The following KLF8 variants were observed in gnomAD, a reference collection of about 807,000 sequenced individuals.
The protein encoded by KLF8 is Krueppel-like factor 8.
Under a neutral mutation model 18.2 loss-of-function variants are expected in KLF8, and 10 were observed. The observed-to-expected ratio is 0.55, with a 90% CI of 0.34 to 0.93. The LOEUF is 0.93. KLF8 is among the 40% of genes least tolerant of loss of function. KLF8 has a pLI of 0.02. For synonymous variants in KLF8, 109 were observed against 97.3 expected (o/e 1.12, Z -0.71); for missense variants, 264 against 277.9 (o/e 0.95, Z 0.36).
At chrX:56,185,774 A>G in the KLF8 span, among the ~76,000 whole-genome samples, 1 of 111,795 alleles carries the variant, frequency 8.9e-6, no homozygotes, top group Non-Finnish European at 1.9e-5. Flanking sequence ...CAGCCAAACT[A>G]AGCTTCATAA....
the KLF8 span, among the ~76,000 whole-genome samples, chrX:56,195,560 G>A: frequency 1.8e-5 from 2 of 112,076 alleles, no homozygotes; most frequent in Non-Finnish European, 3.8e-5. Flanking sequence ...CAAACAAAGT[G>A]TCCAAGAAAT....
the KLF8 span, among the ~76,000 whole-genome samples, chrX:56,223,141 C>T: frequency 8.8e-6 from 1 of 113,007 alleles, no homozygotes; most frequent in Non-Finnish European, 1.9e-5. Context: ...CTTTGAACCC[C>T]GCTACAATCA....
chrX:56,057,653 G>A, the KLF8 span, among the ~76,000 whole-genome samples: 1 of 111,413 alleles, frequency 9.0e-6, no homozygotes, highest in African/African-American at 3.3e-5. Context: ...GGGCCAACTG[G>A]AGAGGCCAGG....
At chrX:55,950,398 C>A in the KLF8 span, among the ~76,000 whole-genome samples, 1 of 111,293 alleles carries the variant, frequency 9.0e-6, no homozygotes, top group Non-Finnish European at 1.9e-5. Context: ...AAAAGCAAAG[C>A]CTCTAGAGTA....
chrX:56,015,865 G>A, the KLF8 span, among the ~76,000 whole-genome samples: 2 of 111,896 alleles, frequency 1.8e-5, no homozygotes, highest in African/African-American at 3.2e-5. Flanking sequence ...AATGGAAGCC[G>A]CAGAAATATT....
At chrX:56,141,176 A>G in the KLF8 span, among the ~76,000 whole-genome samples, 3 of 111,643 alleles carry the variant, frequency 2.7e-5, no homozygotes, top group African/African-American at 9.7e-5. Context: ...CATTTTGCTC[A>G]AGTTGCCCTT....
At chrX:56,092,802 A>G in the KLF8 span, among the ~76,000 whole-genome samples, 2 of 110,065 alleles carry the variant, frequency 1.8e-5, no homozygotes, top group Non-Finnish European at 3.8e-5. Context: ...AGAAGAAAAT[A>G]TGCAAGACTG....
chrX:56,037,474 T>G, the KLF8 span, among the ~76,000 whole-genome samples: 1 of 111,439 alleles, frequency 9.0e-6, no homozygotes, highest in South Asian at 3.7e-4. Flanking sequence ...TAGAAATAGT[T>G]TGAGAATAAT....
At chrX:56,078,574 G>A in the KLF8 span, among the ~76,000 whole-genome samples, 1 of 111,945 alleles carries the variant, frequency 8.9e-6, no homozygotes, top group Non-Finnish European at 1.9e-5. Flanking sequence ...TTGCATCAAT[G>A]TTCATCAAGG....
intron 1 of KLF8, among the ~76,000 whole-genome samples, chrX:56,236,715 G>C (rs897223559): frequency 2.7e-5 from 3 of 110,512 alleles, no homozygotes; most frequent in Admixed American, 9.7e-5. Context: ...ACTAAAGGGT[G>C]CATGGTGAAA....
chrX:55,971,400 C>CA, the KLF8 span, among the ~76,000 whole-genome samples: 1 of 111,108 alleles, frequency 9.0e-6, no homozygotes, highest in Middle Eastern at 4.6e-3. Flanking sequence ...TTGCCATACA[C>CA]AAAAATCAAA....
At chrX:56,196,467 C>T in the KLF8 span, among the ~76,000 whole-genome samples, 1 of 111,522 alleles carries the variant, frequency 9.0e-6, no homozygotes, top group Non-Finnish European at 1.9e-5. Context: ...GTAAAACACA[C>T]TTTAAACCAA....
At chrX:56,269,091 C>T in intron 3 of KLF8, 1 of 915,108 alleles carries the variant, frequency 1.1e-6, no homozygotes, top group Non-Finnish European at 1.4e-6. Context: ...GAATCATACC[C>T]AGACCACATC....
chrX:55,976,779 CATTT>C, the KLF8 span, among the ~76,000 whole-genome samples: 1 of 111,416 alleles, frequency 9.0e-6, no homozygotes, highest in Non-Finnish European at 1.9e-5. Context: ...GATATCTTTC[CATTT>C]ATTTGTGTCA....
At chrX:56,145,745 A>G in the KLF8 span, among the ~76,000 whole-genome samples, 1 of 112,142 alleles carries the variant, frequency 8.9e-6, no homozygotes, top group African/African-American at 3.2e-5. Flanking sequence ...TTAAAATATA[A>G]TAAAAAAAGA....
At chrX:56,213,206 T>C in the KLF8 span, among the ~76,000 whole-genome samples, 1 of 109,834 alleles carries the variant, frequency 9.1e-6, no homozygotes, top group Non-Finnish European at 1.9e-5. Context: ...GAATAGTAAC[T>C]CTACCATTAC....
In KLF8 at chrX:56,233,253, T is replaced by C. The variant is rs1156414191; in HGVS notation, c.-82T>C. Reference sequence around the variant, plus strand: ...ATGGGGCGGGTGTGAGGGGAACAGCTCTCTTGCGATCAGCTCAGGAGTATG... The same window carrying C: ...ATGGGGCGGGTGTGAGGGGAACAGCCCTCTTGCGATCAGCTCAGGAGTATG... On this transcript the variant is annotated 5_prime_UTR_variant, in exon 1 of 6. Coordinates refer to ENST00000468660, the MANE Select transcript of KLF8 (RefSeq NM_007250.5). 1.7e-6 allele frequency: 2 copies of C among 1,159,713 alleles called. No homozygotes were observed. Among genetic ancestry groups the C allele is most frequent in the Non-Finnish European group, 2.4e-6 (2 of 850,515 alleles).
chrX:56,244,002 A>G (rs890442889), intron 1 of KLF8, among the ~76,000 whole-genome samples: 4 of 111,488 alleles, frequency 3.6e-5, no homozygotes, highest in Non-Finnish European at 5.6e-5. Flanking sequence ...TATAGCAACC[A>G]TTTATTCTCT....
At chrX:56,078,548 A>G in the KLF8 span, among the ~76,000 whole-genome samples, 1 of 111,812 alleles carries the variant, frequency 8.9e-6, no homozygotes, top group Non-Finnish European at 1.9e-5. Context: ...TTTTGCCAGT[A>G]TTTTATTGAG....
Sources: allele counts gnomAD v4.1 joint callset (sites outside exome capture counted in the v4.1 genomes callset), GRCh38; gene constraint gnomAD v4.1.1; transcripts MANE v1.5; gene names NCBI Gene and HGNC (gene_info 2026-07-23, HGNC 2026-07-21).